Variants in DNAJC1 observed in about 807,000 individuals in gnomAD.
DNAJC1 encodes the protein DnaJ heat shock protein family (Hsp40) member C1.
In DNAJC1, 58 loss-of-function variants were observed where a neutral mutation model predicts 76.6. That is an observed-to-expected ratio of 0.76 (90% CI 0.61 to 0.94). The LOEUF (loss-of-function observed/expected upper bound fraction) is 0.94, where lower values mean the gene tolerates loss of function less well. Ranked by LOEUF, DNAJC1 falls within the 40% of genes least tolerant of loss-of-function variation. The pLI, the probability that DNAJC1 is intolerant of heterozygous loss-of-function variation, is 0.00. For synonymous variants in DNAJC1, 258 were observed against 267.9 expected, an observed-to-expected ratio of 0.96 and a Z score of 0.36; for missense variants, 689 against 677.3, an observed-to-expected ratio of 1.02 and a Z score of -0.19.
intron 8 of DNAJC1, among the ~76,000 whole-genome samples, chr10:21,845,352 A>G (rs1042484849): frequency 1.6e-5 from 2 of 128,622 alleles, no homozygotes; most frequent in Admixed American, 8.6e-5. Context: ...CATAAAAATT[A>G]GAACTTTTTT....
At chr10:21,955,556 A>G (rs1405562284) in intron 1 of DNAJC1, among the ~76,000 whole-genome samples, 1 of 152,104 alleles carries the variant, frequency 6.6e-6, no homozygotes, top group African/African-American at 2.4e-5. Context: ...CAAAAATTAT[A>G]TATATTTATA....
chr10:21,926,397 G>C (rs1182915673), intron 3 of DNAJC1, among the ~76,000 whole-genome samples: 2 of 151,738 alleles, frequency 1.3e-5, no homozygotes, highest in East Asian at 3.9e-4. Context: ...GAAATAAATA[G>C]GAAACATGTC....
intron 6 of DNAJC1, among the ~76,000 whole-genome samples, chr10:21,910,885 G>A (rs1464719661): frequency 2.3e-5 from 2 of 87,242 alleles, no homozygotes; most frequent in African/African-American, 5.1e-5. Flanking sequence ...AGGAGAGGAG[G>A]AAGGAAAGGA....
At chr10:21,779,806 G>C (rs1042262532) in intron 9 of DNAJC1, among the ~76,000 whole-genome samples, 1 of 152,142 alleles carries the variant, frequency 6.6e-6, no homozygotes, top group Admixed American at 6.5e-5. Context: ...CAAGCTAAAG[G>C]AGGATGTTCG....
intron 8 of DNAJC1, among the ~76,000 whole-genome samples, chr10:21,829,184 C>A (rs1835313476): frequency 6.6e-6 from 1 of 151,678 alleles, no homozygotes; most frequent in Non-Finnish European, 1.5e-5. Context: ...GAATGAGTCA[C>A]CATGCCCAGC....
chr10:21,971,435 C>A (rs1009004395), intron 1 of DNAJC1, among the ~76,000 whole-genome samples: 5 of 151,422 alleles, frequency 3.3e-5, no homozygotes, highest in Non-Finnish European at 7.4e-5. Context: ...TTATAATGAC[C>A]AACTTAAGAG....
chr10:21,944,780 TAAAC>T (rs918459634), intron 1 of DNAJC1, among the ~76,000 whole-genome samples: 1 of 152,074 alleles, frequency 6.6e-6, no homozygotes, highest in African/African-American at 2.4e-5. Flanking sequence ...AAATAAAAAA[TAAAC>T]AGGAAAGAAA....
intron 9 of DNAJC1, among the ~76,000 whole-genome samples, chr10:21,783,746 C>T (rs1228434695): frequency 6.6e-6 from 1 of 152,088 alleles, no homozygotes; most frequent in Non-Finnish European, 1.5e-5. Flanking sequence ...GAAATAACAC[C>T]ACACATCTAC....
Position 22,003,496 on chromosome 10 carries a change from C to T in DNAJC1, c.-62G>A. On this transcript the variant is annotated 5_prime_UTR_variant, in exon 1 of 12. Transcript: ENST00000376980. ...CCGTTGGCCGAGAGCTGGGACGTGGCGGGCGGCGCTGGCTGTGGGGAACAG... is the reference window on the plus strand; with the variant it reads ...CCGTTGGCCGAGAGCTGGGACGTGGTGGGCGGCGCTGGCTGTGGGGAACAG... 4 of 1,303,546 alleles carry T rather than the reference C, an allele frequency of 3.1e-6. No homozygotes were observed. Among genetic ancestry groups the T allele is most frequent in the Non-Finnish European group, 3.9e-6 (4 of 1,032,046 alleles). 80.7% of individuals were successfully genotyped at this position (1,303,546 alleles called of 1,614,324 possible). A position where few individuals can be genotyped will look rare whatever the true frequency, so the allele number is the denominator to read the frequency against.
chr10:21,828,247 C>T (rs535911323), intron 8 of DNAJC1, among the ~76,000 whole-genome samples: 27 of 152,300 alleles, frequency 1.8e-4, no homozygotes, highest in Non-Finnish European at 3.2e-4. Flanking sequence ...AGCCAGATCA[C>T]TTATATCCCA....
intron 1 of DNAJC1, among the ~76,000 whole-genome samples, chr10:21,985,319 G>C (rs1481888670): frequency 6.8e-6 from 1 of 146,232 alleles, no homozygotes; most frequent in African/African-American, 2.5e-5. Flanking sequence ...GCACGATCTT[G>C]GCTCACTGCA....
chr10:21,797,658 T>C (rs1198910819), intron 9 of DNAJC1, among the ~76,000 whole-genome samples: 1 of 152,196 alleles, frequency 6.6e-6, no homozygotes, highest in East Asian at 1.9e-4. Context: ...TTAATGACCT[T>C]ATGGCGGGAG....
intron 1 of DNAJC1, among the ~76,000 whole-genome samples, chr10:21,940,881 G>A (rs927043219): frequency 2.6e-5 from 4 of 151,974 alleles, no homozygotes; most frequent in Admixed American, 1.3e-4. Flanking sequence ...TCTTGAAAAG[G>A]AGGTCCCTTT....
intron 1 of DNAJC1, among the ~76,000 whole-genome samples, chr10:21,969,926 T>C (rs1234722958): frequency 6.6e-6 from 1 of 152,134 alleles, no homozygotes; most frequent in Non-Finnish European, 1.5e-5. Context: ...ACTTTCCCAA[T>C]TTTTTCAGAT....
At chr10:21,820,198 GT>G (rs973572275) in intron 8 of DNAJC1, among the ~76,000 whole-genome samples, 125 of 152,068 alleles carry the variant, frequency 8.2e-4, no homozygotes, top group Non-Finnish European at 1.6e-3. Flanking sequence ...ATAATATGTA[GT>G]CTTTTACTTA....
At chr10:21,907,281 T>C (rs1836761728) in intron 6 of DNAJC1, among the ~76,000 whole-genome samples, 1 of 152,170 alleles carries the variant, frequency 6.6e-6, no homozygotes, top group African/African-American at 2.4e-5. Flanking sequence ...TTTGCTCCAT[T>C]TCTAAGCATT....
chr10:21,998,649 A>T (rs1477590423), intron 1 of DNAJC1, among the ~76,000 whole-genome samples: 1 of 152,154 alleles, frequency 6.6e-6, no homozygotes, highest in East Asian at 1.9e-4. Flanking sequence ...GGTATGAATG[A>T]CTAATAAATC....
intron 6 of DNAJC1, among the ~76,000 whole-genome samples, chr10:21,912,851 C>G (rs924211133): frequency 3.9e-5 from 6 of 151,930 alleles, no homozygotes; most frequent in Admixed American, 2.6e-4. Context: ...AGGAAGGGCC[C>G]TAATTGTCAG....
chr10:21,944,655 T>A (rs1056155344), intron 1 of DNAJC1, among the ~76,000 whole-genome samples: 2 of 152,162 alleles, frequency 1.3e-5, no homozygotes, highest in African/African-American at 4.8e-5. Flanking sequence ...AGTGAATTTG[T>A]CTTGGATAAT....
Sources: gnomAD v4.1 joint callset for allele counts (sites outside exome capture counted in the v4.1 genomes callset) on GRCh38, gnomAD v4.1.1 for gene constraint, MANE v1.5 for transcripts, NCBI Gene and HGNC (gene_info 2026-07-23, HGNC 2026-07-21) for gene names.